The following SGCE variants were observed in gnomAD, a reference collection of about 807,000 sequenced individuals.
SGCE encodes the protein epsilon-sarcoglycan.
In SGCE, 26 loss-of-function variants were observed where a neutral mutation model predicts 57.8. That is an observed-to-expected ratio of 0.45 (90% confidence interval 0.33 to 0.62). The LOEUF is 0.62. SGCE is among the 20% of genes least tolerant of loss of function. SGCE has a pLI of 0.02. For synonymous variants in SGCE, 183 were observed against 189.5 expected (o/e 0.97, Z 0.28); for missense variants, 468 against 548.6 (o/e 0.85, Z 1.47).
chr7:94,598,759 C>G lies in SGCE; in HGVS notation c.1253+16G>C. 12 of 1,555,994 alleles carry G rather than the reference C, an allele frequency of 7.7e-6. No individual in the cohort carries two copies. The highest frequency in any genetic ancestry group is 1.1e-5 in the Non-Finnish European group (12 of 1,127,082). On this transcript the variant is annotated intron_variant, in intron 9 of 10. Coordinates refer to ENST00000648936, the MANE Select transcript of SGCE (RefSeq NM_003919.3). ...TACATGCATATTAATAATTATGGCT[C>G]TAAGTGGACACTTACTGCTGCGTTT...
intron 5 of SGCE, among the ~76,000 whole-genome samples, chr7:94,612,987 G>C (rs1801292066): frequency 6.6e-6 from 1 of 152,184 alleles, no homozygotes; most frequent in African/African-American, 2.4e-5. Flanking sequence ...TGTAGTTCTA[G>C]TCACCATCAC....
chr7:94,640,570 A>C (rs967990265), intron 1 of SGCE, among the ~76,000 whole-genome samples: 1 of 152,128 alleles, frequency 6.6e-6, no homozygotes, highest in African/African-American at 2.4e-5. Context: ...ACTTTAGGTA[A>C]GTTCCTTGTG....
Position 94,629,738 on chromosome 7 carries a change from A to C in SGCE, c.213T>G (p.Phe71Leu), listed in dbSNP as rs1804376145. Residue 71 changes from phenylalanine (F) to leucine (L), a missense_variant, in exon 2 of 11, where the codon TTT becomes TTG. Coordinates refer to ENST00000648936, the MANE Select transcript of SGCE (RefSeq NM_003919.3). Reference sequence around the variant, plus strand: ...ACATACCAGGTTTTGGGTAAGGTGGAAATTCCCCCTTAAAATATTCTCTTT... The same window carrying C: ...ACATACCAGGTTTTGGGTAAGGTGGCAATTCCCCCTTAAAATATTCTCTTT... ...VLEREYFKGE[F>L]PPYPKPGEIS... The C allele has an allele frequency of 6.2e-7, 1 of 1,611,286 alleles. No homozygotes were observed. Among genetic ancestry groups the C allele is most frequent in the Admixed American group, 1.7e-5 (1 of 59,900 alleles).
intron 5 of SGCE, among the ~76,000 whole-genome samples, chr7:94,607,185 G>A (rs1404230127): frequency 6.6e-6 from 1 of 152,076 alleles, no homozygotes; most frequent in Non-Finnish European, 1.5e-5. Flanking sequence ...AAAGCATCAG[G>A]TCCAGATGGG....
intron 5 of SGCE, among the ~76,000 whole-genome samples, chr7:94,612,121 G>T (rs1801133729): frequency 6.6e-6 from 1 of 152,120 alleles, no homozygotes; most frequent in Admixed American, 6.5e-5. Flanking sequence ...GAGATTAAAT[G>T]AATGTTTCTT....
chr7:94,603,383 A>C lies in SGCE; in HGVS notation c.732T>G (p.Asn244Lys), dbSNP rs760437933. The C allele has an allele frequency of 6.2e-7, 1 of 1,613,106 alleles. No individual in the cohort carries two copies. Among genetic ancestry groups the C allele is most frequent in the East Asian group, 2.2e-5 (1 of 44,790 alleles). Residue 244 changes from asparagine (N) to lysine (K), a missense_variant, in exon 6 of 11, where the codon AAT becomes AAG. Physicochemically the swap from Asn to Lys is moderately conservative, Grantham distance 94 (BLOSUM62 0). Coordinates refer to ENST00000648936, the MANE Select transcript of SGCE (RefSeq NM_003919.3). ...CCATTTCTTGACTACATCTCAATTGATTCTGTGGATTTTCAACTTCTCGTA... is the reference window on the plus strand; with the variant it reads ...CCATTTCTTGACTACATCTCAATTGCTTCTGTGGATTTTCAACTTCTCGTA... Reference protein sequence around the residue: ...SCLREVENPQNQLRCSQEMEP... With the variant: ...SCLREVENPQKQLRCSQEMEP...
intron 4 of SGCE, 22 bp from the exon 5 acceptor site, chr7:94,618,978 A>G: frequency 6.6e-7 from 1 of 1,511,314 alleles, no homozygotes; most frequent in Non-Finnish European, 9.2e-7. Context: ...GAAAAAGGGC[A>G]TGCATATCTT....
intron 5 of SGCE, among the ~76,000 whole-genome samples, chr7:94,607,369 C>T (rs1286197706): frequency 1.3e-5 from 2 of 152,038 alleles, no homozygotes; most frequent in Non-Finnish European, 2.9e-5. Context: ...CACACCACAC[C>T]AGCATCTCTC....
chr7:94,587,516 C>T, intron 10 of SGCE: 2 of 1,294,758 alleles, frequency 1.5e-6, no homozygotes, highest in Admixed American at 4.2e-5. Flanking sequence ...AGAAATTTTC[C>T]TTTTAAAAAA....
At chr7:94,616,903 C>A (rs1480766840) in intron 5 of SGCE, 8 of 152,066 alleles carry the variant, frequency 5.3e-5, no homozygotes, top group Admixed American at 5.2e-4. Context: ...TAAGGCTTAA[C>A]ATTAAATTAA....
intron 5 of SGCE, among the ~76,000 whole-genome samples, chr7:94,604,862 AGTTGT>A: frequency 1.3e-5 from 1 of 76,052 alleles, no homozygotes; most frequent in Admixed American, 1.5e-4. Context: ...TATATATAAT[AGTTGT>A]TATAACTAAT....
At chr7:94,597,681 G>A (rs918279535) in intron 9 of SGCE, 3 of 152,144 alleles carry the variant, frequency 2.0e-5, no homozygotes, top group Middle Eastern at 3.4e-3. Context: ...TAGTGCTTAG[G>A]GCAATTGAAT....
rs1804379561 is a variant in SGCE at position 94,629,757 on chromosome 7, T to A, written c.194A>T (p.Glu65Val). ...AGGTGGAAATTCCCCCTTAAAATAT[T>A]CTCTTTCCAAAACATGAACAAAGAG... is the stretch of plus-strand genomic sequence containing the variant. The part of the protein sequence containing the change: ...GVLFVHVLER[E>V]YFKGEFPPYP... Residue 65 changes from glutamate (E) to valine (V), a missense_variant, in exon 2 of 11, where the codon GAA becomes GTA. Coordinates refer to ENST00000648936, the MANE Select transcript of SGCE (RefSeq NM_003919.3). 3.7e-6 allele frequency: 6 copies of A among 1,611,242 alleles called. No homozygotes were observed. The highest frequency in any genetic ancestry group is 5.1e-6 in the Non-Finnish European group (6 of 1,177,996).
At chr7:94,611,286 T>C (rs763675738) in intron 5 of SGCE, among the ~76,000 whole-genome samples, 1 of 152,144 alleles carries the variant, frequency 6.6e-6, no homozygotes, top group Non-Finnish European at 1.5e-5. Flanking sequence ...AGATGGCATA[T>C]CCATAAAATA....
chr7:94,653,601 C>T (rs1808181509), intron 1 of SGCE, among the ~76,000 whole-genome samples: 1 of 151,960 alleles, frequency 6.6e-6, no homozygotes, highest in African/African-American at 2.4e-5. Flanking sequence ...AAAATGTTAC[C>T]TAAAGTATTG....
At position 94,610,660 on chromosome 7, in the gene SGCE, C is replaced by T. The variant is rs1800878431; in HGVS notation, c.663-7208G>A. ...TAACAGAAAAAAAATAAATTGAACT[C>T]TATCAAAATAAAAAAGTTCTGTGCT... On this transcript the variant is annotated intron_variant, in intron 5 of 10. Transcript: ENST00000648936. 2.6e-5 allele frequency among the ~76,000 whole-genome samples: 4 copies of T among 152,116 alleles called. No individual in the cohort carries two copies. The South Asian group carries it at 8.3e-4, about 32-fold the overall frequency.
At chr7:94,648,619 ACTGGT>A (rs1264371237) in intron 1 of SGCE, among the ~76,000 whole-genome samples, 4 of 152,200 alleles carry the variant, frequency 2.6e-5, no homozygotes, top group Non-Finnish European at 5.9e-5. Context: ...CTTCGGCAGT[ACTGGT>A]CTTTCATGAG....
intron 1 of SGCE, among the ~76,000 whole-genome samples, chr7:94,651,933 T>C (rs199812975): frequency 1.7e-5 from 2 of 116,146 alleles, no homozygotes; most frequent in South Asian, 7.3e-4. Flanking sequence ...TTTTCTTCTT[T>C]ATTATTTTTT....
At chr7:94,647,550 CCT>C (rs1373387826) in intron 1 of SGCE, among the ~76,000 whole-genome samples, 1 of 152,148 alleles carries the variant, frequency 6.6e-6, no homozygotes, top group East Asian at 1.9e-4. Context: ...TGGTTAAATC[CCT>C]GCAAAGATTT....
Sources: allele counts gnomAD v4.1 joint callset (sites outside exome capture counted in the v4.1 genomes callset), GRCh38; gene constraint gnomAD v4.1.1; transcripts MANE v1.5; gene names NCBI Gene and HGNC (gene_info 2026-07-23, HGNC 2026-07-21).